Variants in MAT2B observed in about 807,000 individuals in gnomAD.
MAT2B encodes methionine adenosyltransferase 2 subunit beta.
Under a neutral mutation model 36.1 loss-of-function variants are expected in MAT2B, and 16 were observed. That is an observed-to-expected ratio of 0.44 (90% CI 0.30 to 0.67). MAT2B has a LOEUF of 0.67. MAT2B is among the 30% of genes least tolerant of loss of function. The probability of loss-of-function intolerance (pLI) is 0.09; values close to 1 mark genes in which losing one functional copy is unlikely to be tolerated. For missense variants in MAT2B, 332 were observed against 398.2 expected, an observed-to-expected ratio of 0.83 and a Z score of 1.42; for synonymous variants, 148 against 136.9, an observed-to-expected ratio of 1.08 and a Z score of -0.57.
chr5:163,515,005 G>A (rs1760109803), intron 4 of MAT2B, among the ~76,000 whole-genome samples: 1 of 152,180 alleles, frequency 6.6e-6, no homozygotes, highest in Admixed American at 6.5e-5. Context: ...GAGGAATGCT[G>A]TGTTCTCACG....
chr5:163,516,840 A>T, intron 5 of MAT2B, 129 bp downstream of exon 5: 1 of 799,088 alleles, frequency 1.3e-6, no homozygotes. Flanking sequence ...CTAGGAGACC[A>T]AACAAAAGTA....
At chr5:163,516,818 G>A (rs1463380077) in intron 5 of MAT2B, 107 bp downstream of exon 5, 1 of 1,239,262 alleles carries the variant, frequency 8.1e-7, no homozygotes, top group South Asian at 1.3e-5. Flanking sequence ...AGCCAAAAGT[G>A]CTTTTTTAAA....
chr5:163,516,765 T>C (rs1760140284), intron 5 of MAT2B, 54 bp downstream of exon 5: 1 of 1,590,118 alleles, frequency 6.3e-7, no homozygotes, highest in Non-Finnish European at 8.6e-7. Flanking sequence ...GTCTTTTCCA[T>C]GCTTGAACTT....
upstream of MAT2B, chr5:163,505,611 T>G (rs969034916): frequency 2.4e-6 from 3 of 1,248,864 alleles, no homozygotes; most frequent in Non-Finnish European, 3.0e-6. Context: ...GCCGAGGGCG[T>G]CTGAGCTGAG....
intron 1 of MAT2B, among the ~76,000 whole-genome samples, chr5:163,511,186 T>G (rs867528613): frequency 1.1e-4 from 16 of 152,218 alleles, no homozygotes; most frequent in Non-Finnish European, 1.8e-4. Flanking sequence ...TCTGTTAACA[T>G]AGGAAATATA....
chr5:163,517,315 G>A (rs1760148334), intron 5 of MAT2B: 3 of 257,224 alleles, frequency 1.2e-5, no homozygotes, highest in South Asian at 2.3e-4. Flanking sequence ...CACTAATTAA[G>A]TAAAATTGGA....
intron 4 of MAT2B, among the ~76,000 whole-genome samples, chr5:163,515,832 T>TG (rs149928920): frequency 0.28 from 37,758 of 132,676 alleles, 5,432 homozygotes; most frequent in African/African-American, 0.37. Context: ...TGGAGTGCAG[T>TG]AGGGTGAACA....
chr5:163,514,060 A>G (rs1171962303), intron 4 of MAT2B, 66 bp downstream of exon 4: 5 of 1,247,200 alleles, frequency 4.0e-6, no homozygotes, highest in Non-Finnish European at 5.4e-6. Context: ...ATACATACAC[A>G]TATATATGTT....
chr5:163,513,872 G>C lies in MAT2B; in HGVS notation c.404G>C (p.Ser135Thr). Residue 135 changes from serine to threonine, a missense_variant, in exon 4 of 7, where the codon AGC becomes ACC. Physicochemically the swap from Ser to Thr is moderately conservative, Grantham distance 58. Transcript: ENST00000321757. ...GTTGGAGCATTTCTCATCTACATTAGCTCAGATTATGTATTTGATGGAACA... is the reference window on the plus strand; with the variant it reads ...GTTGGAGCATTTCTCATCTACATTACCTCAGATTATGTATTTGATGGAACA... ...AAVGAFLIYI[S>T]SDYVFDGTNP... 1 of 1,612,480 alleles carries C rather than the reference G, an allele frequency of 6.2e-7. No individual in the cohort carries two copies. The highest frequency in any genetic ancestry group is 1.1e-5 in the South Asian group (1 of 90,684).
At chr5:163,508,252 T>G (rs1759975740) in intron 1 of MAT2B, among the ~76,000 whole-genome samples, 1 of 151,380 alleles carries the variant, frequency 6.6e-6, no homozygotes, top group African/African-American at 2.5e-5. Context: ...TTTTTTTGTT[T>G]TCTTTTTTTT....
rs1226086614 is a variant in MAT2B at position 163,518,261 on chromosome 5, G to A, written c.903G>A (p.Glu301=). ...RNAQLDCSKL[E]TLGIGQRTPF... ...CTCAGCTTGACTGCTCCAAATTGGA[G>A]ACCTTGGGCATTGGCCAACGAACAC... The change falls in exon 7 of 7, where the codon GAG becomes GAA. Residue 301 remains glutamate, a synonymous_variant. Transcript: ENST00000321757. 3 of 1,613,840 alleles carry A rather than the reference G, an allele frequency of 1.9e-6. No homozygotes were observed. The highest frequency in any genetic ancestry group is 2.5e-6 in the Non-Finnish European group (3 of 1,179,936).
upstream of MAT2B, chr5:163,503,331 C>A: frequency 6.6e-7 from 1 of 1,509,230 alleles, no homozygotes; most frequent in South Asian, 1.1e-5. Flanking sequence ...AACAAAGACC[C>A]AGCAAGAGAA....
chr5:163,513,277 G>A (rs1452087856), intron 2 of MAT2B: 7 of 271,380 alleles, frequency 2.6e-5, no homozygotes, highest in South Asian at 5.7e-5. Context: ...TGCATGAACC[G>A]TCACACCAGA....
At chr5:163,510,561 A>AT (rs1179516890) in intron 1 of MAT2B, among the ~76,000 whole-genome samples, 12 of 151,696 alleles carry the variant, frequency 7.9e-5, no homozygotes, top group East Asian at 7.8e-4. Context: ...CGCCTGGCTA[A>AT]TTTTTTTGTA....
upstream of MAT2B, chr5:163,503,233 G>A (rs1027368203): frequency 4.7e-6 from 3 of 639,166 alleles, no homozygotes; most frequent in Non-Finnish European, 8.6e-6. Flanking sequence ...ACGAGATTCC[G>A]GGATTGGAAT....
At position 163,512,881 on chromosome 5, in the gene MAT2B, A is replaced by G. The variant is rs1180683872; in HGVS notation, c.259-674A>G. On this transcript the variant is annotated intron_variant, in intron 2 of 6. Coordinates refer to ENST00000321757, the MANE Select transcript of MAT2B (RefSeq NM_013283.5). Reference sequence around the variant, plus strand: ...TTTCTAGTAGAGATGGGGTTTCACCATGTTGGCCAGGCTGGTCTTGAACTC... The same window carrying G: ...TTTCTAGTAGAGATGGGGTTTCACCGTGTTGGCCAGGCTGGTCTTGAACTC... The G allele has an allele frequency of 8.8e-5, 26 of 294,094 alleles. No homozygotes were observed. The Admixed American group carries it at 1.3e-3, about 15-fold the overall frequency. The allele number at this position is 294,094 out of a possible 1,614,324, so 18.2% of individuals were successfully genotyped here.
rs17061787 is a variant in MAT2B at position 163,511,131 on chromosome 5, G to C, written c.64-871G>C. Among the ~76,000 whole-genome samples the C allele has an allele frequency of 8.0e-3, 1,216 of 152,154 alleles. 17 individuals carry two copies. The highest frequency in any genetic ancestry group is 0.028 in the African/African-American group (1,154 of 41,502). ...GAGCAAAAGTATAAAAAAAGTTGCTGTTTACTAACTCATTTGGGTATTATC... is the reference window on the plus strand; with the variant it reads ...GAGCAAAAGTATAAAAAAAGTTGCTCTTTACTAACTCATTTGGGTATTATC... On this transcript the variant is annotated intron_variant, in intron 1 of 6. Transcript: ENST00000321757.
chr5:163,517,216 A>G (rs1280181673), intron 5 of MAT2B: 3 of 194,082 alleles, frequency 1.5e-5, no homozygotes, highest in African/African-American at 4.7e-5. Context: ...AAATGGTTCT[A>G]TTAAGTTTTT....
intron 1 of MAT2B, among the ~76,000 whole-genome samples, chr5:163,508,601 CT>C (rs916807592): frequency 6.6e-6 from 1 of 151,766 alleles, no homozygotes; most frequent in Non-Finnish European, 1.5e-5. Context: ...CGTTAGTTTT[CT>C]TTTTTTTGGT....
Sources: allele counts gnomAD v4.1 joint callset (sites outside exome capture counted in the v4.1 genomes callset), GRCh38; gene constraint gnomAD v4.1.1; transcripts MANE v1.5; gene names NCBI Gene and HGNC (gene_info 2026-07-23, HGNC 2026-07-21).